COL4A4: variants seen among roughly 807,000 people sequenced by gnomAD.
COL4A4 encodes collagen alpha-4(IV) chain.
A neutral mutation model predicts 192.9 loss-of-function variants in COL4A4; 105 were observed. That is an observed-to-expected ratio of 0.54 (90% CI 0.46 to 0.64). The LOEUF (loss-of-function observed/expected upper bound fraction) is 0.64. COL4A4 is among the 30% of genes least tolerant of loss of function. The pLI is 0.00. For missense variants in COL4A4, 1,967 were observed against 2,169.3 expected (o/e 0.91, Z 1.85); for synonymous variants, 762 against 769.9 (o/e 0.99, Z 0.17).
the COL4A4 span, among the ~76,000 whole-genome samples, chr2:226,974,772 T>TGAAC: frequency 3.4e-3 from 521 of 152,262 alleles, 4 homozygotes; most frequent in South Asian, 6.6e-3. Flanking sequence ...CTGAGAGTCG[T>TGAAC]GAACTGTACA....
At chr2:226,990,411 T>C in the COL4A4 span, among the ~76,000 whole-genome samples, 1 of 152,304 alleles carries the variant, frequency 6.6e-6, no homozygotes, top group African/African-American at 2.4e-5. Flanking sequence ...AAAAAAGTGA[T>C]TGCCTCTTTA....
At chr2:227,141,498 A>G (rs938692127) in intron 3 of COL4A4, among the ~76,000 whole-genome samples, 2 of 152,224 alleles carry the variant, frequency 1.3e-5, no homozygotes, top group African/African-American at 4.8e-5. Flanking sequence ...GGGAGGGAAA[A>G]GAGTCTAATC....
Position 227,051,028 on chromosome 2 carries a change from G to T in COL4A4, c.3099C>A (p.Gly1033=), listed in dbSNP as rs1384562258. Residue 1033 remains glycine, a synonymous_variant, in exon 33 of 48, where the codon GGC becomes GGA. Transcript: ENST00000396625. ...CAATGAACCCTCTTAGACCAGTTGA[G>T]CCTGGAGGGCCTGGGGGTCCAGGAG... is the stretch of plus-strand genomic sequence containing the variant. ...PGPPGPPGPP[G]STGLRGFIGF... 1.2e-6 allele frequency: 2 copies of T among 1,614,116 alleles called. No homozygotes were observed. The highest frequency in any genetic ancestry group is 1.7e-6 in the Non-Finnish European group (2 of 1,180,050).
chr2:227,062,550 G>A lies in COL4A4; in HGVS notation c.2036C>T (p.Pro679Leu). ...NVTYPGRHGP[P>L]GFDGPPGPKG... ...AATACCTGGAGGTCCATCAAAACCT[G>A]GAGGGCCATGCCTCCCAGGGTAGGT... is the stretch of plus-strand genomic sequence containing the variant. The change falls in exon 26 of 48, where the codon CCA becomes CTA. Residue 679 changes from proline to leucine, a missense_variant. By Grantham distance (98) the Pro-to-Leu change is moderately conservative. Coordinates refer to ENST00000396625, the MANE Select transcript of COL4A4 (RefSeq NM_000092.5). 1 of 1,610,156 alleles carries A rather than the reference G, an allele frequency of 6.2e-7. No homozygotes were observed. The highest frequency in any genetic ancestry group is 8.5e-7 in the Non-Finnish European group (1 of 1,176,614).
At chr2:227,129,182 G>A (rs1401309464) in intron 4 of COL4A4, among the ~76,000 whole-genome samples, 2 of 152,094 alleles carry the variant, frequency 1.3e-5, no homozygotes, top group African/African-American at 4.8e-5. Flanking sequence ...TCCCAAAGGA[G>A]GAAGCTGAGA....
At chr2:226,984,251 T>C in the COL4A4 span, among the ~76,000 whole-genome samples, 1 of 152,352 alleles carries the variant, frequency 6.6e-6, no homozygotes, top group Admixed American at 6.5e-5. Context: ...CTTAACAAAA[T>C]ACTACCATGG....
At chr2:227,047,731 C>CCCCACACACACA (rs146752317) in intron 34 of COL4A4, among the ~76,000 whole-genome samples, 182 bp from the exon 35 acceptor site, 2 of 146,228 alleles carry the variant, frequency 1.4e-5, no homozygotes, top group South Asian at 2.2e-4. Flanking sequence ...AATTTACATA[C>CCCCACACACACA]CACACACACA....
At chr2:227,156,936 T>C (rs1190267128) in intron 1 of COL4A4, among the ~76,000 whole-genome samples, 1 of 152,198 alleles carries the variant, frequency 6.6e-6, no homozygotes, top group Non-Finnish European at 1.5e-5. Context: ...CAAAGTATAA[T>C]ACCAGTTAAG....
At chr2:227,095,541 C>A (rs772268123) in intron 19 of COL4A4, among the ~76,000 whole-genome samples, 4 of 152,158 alleles carry the variant, frequency 2.6e-5, no homozygotes, top group Non-Finnish European at 5.9e-5. Context: ...AATGCAACAG[C>A]AGGAAATCCT....
At chr2:227,046,066 T>C (rs1313306373) in intron 35 of COL4A4, among the ~76,000 whole-genome samples, 1 of 138,444 alleles carries the variant, frequency 7.2e-6, no homozygotes, top group Non-Finnish European at 1.5e-5. Context: ...TAAACATATA[T>C]ACATATATAT....
chr2:227,036,118 A>G (rs1969609763), intron 37 of COL4A4, among the ~76,000 whole-genome samples: 1 of 152,160 alleles, frequency 6.6e-6, no homozygotes, highest in Non-Finnish European at 1.5e-5. Context: ...GTAATGAGGA[A>G]TTTTTATTCA....
chr2:227,062,509 G>T, intron 26 of COL4A4, 21 bp downstream of exon 26: 1 of 1,471,994 alleles, frequency 6.8e-7, no homozygotes, highest in South Asian at 1.1e-5. Context: ...ATATAAGACA[G>T]TAACTTCTCA....
chr2:227,155,638 G>A (rs1386544487), intron 1 of COL4A4, among the ~76,000 whole-genome samples: 2 of 152,124 alleles, frequency 1.3e-5, no homozygotes, highest in Admixed American at 1.3e-4. Context: ...GAACTCCAGC[G>A]GTAATACTCA....
intron 4 of COL4A4, among the ~76,000 whole-genome samples, chr2:227,136,464 G>A (rs2396453): frequency 0.53 from 79,985 of 152,038 alleles, 22,616 homozygotes; most frequent in African/African-American, 0.75. Context: ...TGCAGCTGGA[G>A]AGGGTCAAAG....
At chr2:227,080,100 A>G (rs922242506) in intron 24 of COL4A4, among the ~76,000 whole-genome samples, 1 of 152,280 alleles carries the variant, frequency 6.6e-6, no homozygotes, top group Admixed American at 6.5e-5. Flanking sequence ...CCCGAGCTCC[A>G]TCCTCCACCC....
At chr2:226,995,965 T>A in the COL4A4 span, 1 of 163,236 alleles carries the variant, frequency 6.1e-6, no homozygotes, top group Admixed American at 6.3e-5. Flanking sequence ...GCATTGCCAC[T>A]GTGGCTGTCC....
intron 46 of COL4A4, among the ~76,000 whole-genome samples, chr2:227,008,737 G>A (rs892913451): frequency 6.6e-6 from 1 of 152,234 alleles, no homozygotes; most frequent in Non-Finnish European, 1.5e-5. Context: ...CTTGGAGATG[G>A]TGGTAGTGAC....
At chr2:227,063,884 G>A (rs1178487838) in intron 25 of COL4A4, among the ~76,000 whole-genome samples, 1 of 151,936 alleles carries the variant, frequency 6.6e-6, no homozygotes, top group Non-Finnish European at 1.5e-5. Context: ...AGTTCATACT[G>A]AGAAATGAAG....
chr2:227,125,698 G>A (rs1047921222), intron 4 of COL4A4, among the ~76,000 whole-genome samples: 1 of 152,060 alleles, frequency 6.6e-6, no homozygotes, highest in Non-Finnish European at 1.5e-5. Context: ...TCCTGTCCCG[G>A]GAGCGCCCCC....
Sources: allele counts gnomAD v4.1 joint callset (sites outside exome capture counted in the v4.1 genomes callset), GRCh38; gene constraint gnomAD v4.1.1; transcripts MANE v1.5; gene names NCBI Gene and HGNC (gene_info 2026-07-23, HGNC 2026-07-21).